The following DZIP1 variants were observed in gnomAD, a reference collection of about 807,000 sequenced individuals.
DZIP1 encodes DAZ interacting zinc finger protein 1, also known as cilium assembly protein DZIP1.
In DZIP1, 97 loss-of-function variants were observed where a neutral mutation model predicts 107.6. The ratio of observed to expected loss-of-function variants is 0.90; its 90% confidence interval spans 0.77 to 1.07. DZIP1 has a LOEUF of 1.07. Ranked by LOEUF, DZIP1 falls within the 50% of genes least tolerant of loss-of-function variation. The pLI is 0.00. For synonymous variants in DZIP1, 390 were observed against 386.4 expected (o/e 1.01, Z -0.11); for missense variants, 1,035 against 1,063.6 (o/e 0.97, Z 0.37).
chr13:95,590,075 T>C lies in DZIP1; in HGVS notation c.1844-143A>G, dbSNP rs1172178711. 3 of 1,234,156 alleles carry C rather than the reference T, an allele frequency of 2.4e-6. No homozygotes were observed. The East Asian group carries it at 7.7e-5, about 32-fold the overall frequency. 76.5% of individuals were successfully genotyped at this position (1,234,156 alleles called of 1,614,324 possible). On this transcript the variant is annotated intron_variant, in intron 17 of 22. Coordinates refer to ENST00000376829, the MANE Select transcript of DZIP1 (RefSeq NM_198968.4). ...GGTTTAAAGCCAGACTCTAGGGTTG[T>C]TGTTTTGTTTTTACTGTAAAAACAA... is the stretch of plus-strand genomic sequence containing the variant.
chr13:95,615,455 C>T (rs868160566), intron 10 of DZIP1, among the ~76,000 whole-genome samples: 3 of 152,164 alleles, frequency 2.0e-5, no homozygotes, highest in South Asian at 2.1e-4. Flanking sequence ...AACCATAGAT[C>T]CAAAACAGGA....
intron 14 of DZIP1, among the ~76,000 whole-genome samples, chr13:95,600,806 T>A (rs1322989617): frequency 1.3e-5 from 2 of 152,196 alleles, no homozygotes; most frequent in Non-Finnish European, 2.9e-5. Context: ...ACTGCTGAAG[T>A]GTGGACATAG....
chr13:95,630,705 T>G (rs180768719), intron 6 of DZIP1: 17 of 1,249,016 alleles, frequency 1.4e-5, no homozygotes, highest in Middle Eastern at 2.2e-4. Flanking sequence ...CTTATGTACA[T>G]GTACTTACAT....
In DZIP1 at chr13:95,589,910, C is replaced by G; in HGVS notation, c.1866G>C (p.Met622Ile). 6.2e-7 allele frequency: 1 copy of G among 1,614,080 alleles called. No individual in the cohort carries two copies. The highest frequency in any genetic ancestry group is 1.6e-4 in the Middle Eastern group (1 of 6,062). The part of the protein sequence containing the change: ...LSSDQCSVSQ[M>I]DTLSTGEVPK... Reference sequence around the variant, plus strand: ...GTACTTCTCCAGTTGAAAGGGTATCCATTTGAGAAACACTGCACTGATCTG... The same window carrying G: ...GTACTTCTCCAGTTGAAAGGGTATCGATTTGAGAAACACTGCACTGATCTG... Residue 622 changes from methionine to isoleucine, a missense_variant, in exon 18 of 23, where the codon ATG becomes ATC. Physicochemically the swap from Met to Ile is conservative, Grantham distance 10. Coordinates refer to ENST00000376829, the MANE Select transcript of DZIP1 (RefSeq NM_198968.4).
intron 5 of DZIP1, among the ~76,000 whole-genome samples, chr13:95,636,473 G>A (rs539035092): frequency 8.8e-4 from 133 of 150,754 alleles, no homozygotes; most frequent in Non-Finnish European, 1.7e-3. Flanking sequence ...AACCTGGGAG[G>A]TGGAGGTTGC....
rs145232779 is a variant in DZIP1, at chr13:95,635,461, T to C, written c.598-2140A>G. Reference sequence around the variant, plus strand: ...ATCCACCCACCTTGGCCTCCCAAAGTGCTGGAATTACAGGTGTAACCCACG... The same window carrying C: ...ATCCACCCACCTTGGCCTCCCAAAGCGCTGGAATTACAGGTGTAACCCACG... On this transcript the variant is annotated intron_variant, in intron 5 of 22. Transcript: ENST00000376829. Among the ~76,000 whole-genome samples the C allele has an allele frequency of 9.2e-3, 1,397 of 152,256 alleles. 23 individuals are homozygous for C. Among genetic ancestry groups the C allele is most frequent in the African/African-American group, 0.032 (1,328 of 41,542 alleles).
chr13:95,624,672 C>A, intron 8 of DZIP1, 96 bp downstream of exon 8: 1 of 1,102,658 alleles, frequency 9.1e-7, no homozygotes, highest in East Asian at 2.6e-5. Flanking sequence ...ACGAGGGTAA[C>A]ATAAAGTAAC....
At chr13:95,635,218 T>C (rs1440516308) in intron 5 of DZIP1, among the ~76,000 whole-genome samples, 2 of 101,576 alleles carry the variant, frequency 2.0e-5, no homozygotes, top group Non-Finnish European at 4.4e-5. Flanking sequence ...TTTTTTTTTT[T>C]AAGTGTCTCC....
chr13:95,641,641 A>G lies in DZIP1; in HGVS notation c.251T>C (p.Val84Ala). The G allele has an allele frequency of 8.1e-6, 13 of 1,610,186 alleles. No individual in the cohort carries two copies. The highest frequency in any genetic ancestry group is 1.7e-4 in the Middle Eastern group (1 of 6,060). Residue 84 changes from valine (V) to alanine (A), a missense_variant, in exon 5 of 23, where the codon GTG becomes GCG. Physicochemically the swap from Val to Ala is moderately conservative, Grantham distance 64 (BLOSUM62 0). Coordinates refer to ENST00000376829, the MANE Select transcript of DZIP1 (RefSeq NM_198968.4). This position sits in a 1 kb window ranked among gnomAD's most constrained non-coding sequence, Gnocchi z 4.3. ...AIDVDKVAGA[V>A]DVLTLQENIM... ...GTTCTCCTGCAGCGTCAGCACGTCCACAGCCCCCGCCACCTTGTCCACGTC... is the reference window on the plus strand; with the variant it reads ...GTTCTCCTGCAGCGTCAGCACGTCCGCAGCCCCCGCCACCTTGTCCACGTC...
chr13:95,635,841 T>TA (rs1877732308), intron 5 of DZIP1, among the ~76,000 whole-genome samples: 1 of 152,062 alleles, frequency 6.6e-6, no homozygotes. Flanking sequence ...GCTGCCCATG[T>TA]AAGTGTAAGA....
At chr13:95,624,055 AAG>A (rs1876235680) in intron 8 of DZIP1, among the ~76,000 whole-genome samples, 1 of 152,102 alleles carries the variant, frequency 6.6e-6, no homozygotes, top group Non-Finnish European at 1.5e-5. Context: ...CTAGAGTTTA[AAG>A]AGTTTTAGGA....
chr13:95,595,910 G>A (rs2044442405), intron 15 of DZIP1, among the ~76,000 whole-genome samples: 1 of 152,158 alleles, frequency 6.6e-6, no homozygotes, highest in Admixed American at 6.5e-5. Flanking sequence ...GCCGTTAGTT[G>A]TTGAATTCAT....
chr13:95,634,569 C>T (rs1877578244), intron 5 of DZIP1, among the ~76,000 whole-genome samples: 1 of 152,100 alleles, frequency 6.6e-6, no homozygotes. Flanking sequence ...CCACGTATAC[C>T]TCTGTTTTTC....
chr13:95,591,177 C>T (rs762990546), intron 16 of DZIP1, among the ~76,000 whole-genome samples: 42 of 151,614 alleles, frequency 2.8e-4, no homozygotes, highest in Non-Finnish European at 5.4e-4. Context: ...TACAGGCACC[C>T]GCCACCACGC....
At chr13:95,591,363 A>G (rs2044308784) in intron 16 of DZIP1, among the ~76,000 whole-genome samples, 1 of 152,232 alleles carries the variant, frequency 6.6e-6, no homozygotes, top group Non-Finnish European at 1.5e-5. Flanking sequence ...GCATAATTAA[A>G]GAGACAATTT....
intron 10 of DZIP1, among the ~76,000 whole-genome samples, chr13:95,619,506 G>A (rs1875551846): frequency 1.3e-5 from 2 of 152,204 alleles, no homozygotes; most frequent in African/African-American, 4.8e-5. Context: ...ACTGGTTAAT[G>A]ATACCAATGC....
At chr13:95,624,103 G>A (rs1006276833) in intron 8 of DZIP1, among the ~76,000 whole-genome samples, 4 of 152,230 alleles carry the variant, frequency 2.6e-5, no homozygotes, top group East Asian at 3.9e-4. Context: ...CTCTATTTTC[G>A]TTTATAAAAC....
At chr13:95,635,814 T>C (rs910983049) in intron 5 of DZIP1, among the ~76,000 whole-genome samples, 1 of 151,924 alleles carries the variant, frequency 6.6e-6, no homozygotes, top group African/African-American at 2.4e-5. Context: ...TCAGGGCAAG[T>C]AGAATGCTTC....
intron 14 of DZIP1, among the ~76,000 whole-genome samples, chr13:95,601,720 T>C (rs1225898984): frequency 6.6e-6 from 1 of 152,174 alleles, no homozygotes; most frequent in Non-Finnish European, 1.5e-5. Flanking sequence ...TGGGGACTTG[T>C]CCACAAAGTG....
Sources: allele counts gnomAD v4.1 joint callset (sites outside exome capture counted in the v4.1 genomes callset), GRCh38; gene constraint gnomAD v4.1.1; non-coding constraint Gnocchi (gnomAD v3.1); transcripts MANE v1.5; gene names NCBI Gene and HGNC (gene_info 2026-07-23, HGNC 2026-07-21).